The following GRID2 variants were observed in gnomAD, a reference collection of about 807,000 sequenced individuals.
The protein encoded by GRID2 is glutamate receptor ionotropic, delta-2.
Under a neutral mutation model 114.8 loss-of-function variants are expected in GRID2, and 33 were observed. The observed-to-expected ratio is 0.29, with a 90% CI of 0.22 to 0.38. The LOEUF (loss-of-function observed/expected upper bound fraction) is 0.38. GRID2 is among the 10% of genes least tolerant of loss of function. GRID2 has a pLI of 1.00. For missense variants in GRID2, 1,184 were observed against 1,257.7 expected, an observed-to-expected ratio of 0.94 and a Z score of 0.89; for synonymous variants, 505 against 449.9, an observed-to-expected ratio of 1.12 and a Z score of -1.55.
chr4:92,744,568 C>T (rs1737056348), intron 2 of GRID2, among the ~76,000 whole-genome samples: 1 of 151,700 alleles, frequency 6.6e-6, no homozygotes, highest in Non-Finnish European at 1.5e-5. Context: ...TACTCCAACT[C>T]TTTTCAACCT....
intron 13 of GRID2, among the ~76,000 whole-genome samples, chr4:93,538,885 A>T (rs11945011): frequency 0.027 from 4,044 of 151,880 alleles, 208 homozygotes; most frequent in African/African-American, 0.091. Flanking sequence ...AAAAAAAGAC[A>T]TTAACAGCAA....
In GRID2 at chr4:93,801,964, T is replaced by G. The variant is rs187278209; in HGVS notation, c.222-4751T>G. Among the ~76,000 whole-genome samples, 10 of 152,338 alleles carry G rather than the reference T, an allele frequency of 6.6e-5. No homozygotes were observed. The East Asian group carries it at 1.9e-3, about 29-fold the overall frequency. ...GCATATATCCCTTTAAAATCCTGTA[T>G]GTAGAATATACTGCATGTGTGCCCC... On this transcript the variant is annotated intron_variant, in intron 1 of 1. Transcript: ENST00000637838.
chr4:92,435,408 CT>C (rs1368084726), intron 1 of GRID2, among the ~76,000 whole-genome samples: 3 of 152,128 alleles, frequency 2.0e-5, no homozygotes, highest in Admixed American at 6.5e-5. Context: ...ATAGATGTGC[CT>C]TTTACAGTGG....
At chr4:93,764,912 A>T (rs1361692213) in intron 14 of GRID2, among the ~76,000 whole-genome samples, 1 of 152,030 alleles carries the variant, frequency 6.6e-6, no homozygotes, top group Admixed American at 6.6e-5. Flanking sequence ...TTTGCAACTC[A>T]ATTTTTGCAT....
At chr4:92,727,722 G>T (rs529365510) in intron 2 of GRID2, among the ~76,000 whole-genome samples, 2 of 152,168 alleles carry the variant, frequency 1.3e-5, no homozygotes, top group Admixed American at 1.3e-4. Context: ...ACTGGAGCAG[G>T]TAATTGATGG....
At chr4:92,667,216 A>T (rs1297148109) in intron 2 of GRID2, among the ~76,000 whole-genome samples, 1 of 151,644 alleles carries the variant, frequency 6.6e-6, no homozygotes, top group Non-Finnish European at 1.5e-5. Context: ...TTGTGTAATT[A>T]TTGTCTGAGT....
chr4:92,428,198 C>T (rs981633645), intron 1 of GRID2, among the ~76,000 whole-genome samples: 4 of 151,968 alleles, frequency 2.6e-5, no homozygotes, highest in African/African-American at 9.7e-5. Context: ...GGAGGCGGAG[C>T]TTGCAGTGAG....
chr4:92,854,495 T>A (rs992349840), intron 2 of GRID2, among the ~76,000 whole-genome samples: 1 of 151,382 alleles, frequency 6.6e-6, no homozygotes, highest in Non-Finnish European at 1.5e-5. Context: ...TAATTATACA[T>A]GTTTCGAACA....
intron 1 of GRID2, among the ~76,000 whole-genome samples, chr4:92,518,540 G>A (rs1295783845): frequency 6.6e-6 from 1 of 151,786 alleles, no homozygotes; most frequent in East Asian, 1.9e-4. Context: ...GGATGCCAGA[G>A]GATTGTGGGA....
intron 2 of GRID2, among the ~76,000 whole-genome samples, chr4:92,637,510 A>C (rs1227613570): frequency 6.6e-6 from 1 of 152,062 alleles, no homozygotes; most frequent in Non-Finnish European, 1.5e-5. Flanking sequence ...GGACCACATA[A>C]CTTGTATCTG....
chr4:92,826,176 C>G (rs1741684131), intron 2 of GRID2, among the ~76,000 whole-genome samples: 1 of 152,114 alleles, frequency 6.6e-6, no homozygotes, highest in Admixed American at 6.6e-5. Flanking sequence ...TCTCTGAACT[C>G]ATTCCTACTT....
At chr4:93,219,788 T>C (rs914716850) in intron 6 of GRID2, among the ~76,000 whole-genome samples, 2 of 152,176 alleles carry the variant, frequency 1.3e-5, no homozygotes, top group African/African-American at 4.8e-5. Flanking sequence ...TGGCTGCTAA[T>C]GGAGAGAAAA....
At chr4:93,418,498 T>C (rs1767941932) in intron 9 of GRID2, among the ~76,000 whole-genome samples, 1 of 152,074 alleles carries the variant, frequency 6.6e-6, no homozygotes, top group Admixed American at 6.6e-5. Flanking sequence ...GCATTGCCCT[T>C]CATTTCTTCA....
At chr4:92,359,904 AT>A (rs1728532616) in intron 1 of GRID2, among the ~76,000 whole-genome samples, 1 of 152,124 alleles carries the variant, frequency 6.6e-6, no homozygotes, top group Non-Finnish European at 1.5e-5. Context: ...CTGAAAAAAA[AT>A]CTTTATAGTT....
chr4:92,400,962 A>T (rs1267181327), intron 1 of GRID2, among the ~76,000 whole-genome samples: 1 of 152,194 alleles, frequency 6.6e-6, no homozygotes, highest in Non-Finnish European at 1.5e-5. Flanking sequence ...GTTAACATGT[A>T]AGAGTTATTT....
chr4:92,676,167 CCCCT>C (rs1247724218), intron 2 of GRID2, among the ~76,000 whole-genome samples: 14 of 99,316 alleles, frequency 1.4e-4, no homozygotes, highest in African/African-American at 4.0e-4. Flanking sequence ...CCCCCCCCCC[CCCCT>C]TTTTTTTTTG....
chr4:93,486,217 T>C (rs1726389941), intron 11 of GRID2, among the ~76,000 whole-genome samples: 1 of 151,148 alleles, frequency 6.6e-6, no homozygotes, highest in African/African-American at 2.4e-5. Context: ...CATAGCAAGC[T>C]GATAACTAAT....
intron 7 of GRID2, 54 bp downstream of exon 7, chr4:93,224,829 T>G (rs778353741): frequency 7.7e-7 from 1 of 1,303,386 alleles, no homozygotes; most frequent in East Asian, 2.4e-5. Flanking sequence ...ATTTGACATA[T>G]TTTAGAAAAA....
At chr4:93,384,269 C>T (rs758845670) in intron 8 of GRID2, among the ~76,000 whole-genome samples, 8 of 152,006 alleles carry the variant, frequency 5.3e-5, no homozygotes, top group African/African-American at 1.2e-4. Context: ...AATTTTGGAG[C>T]GCAACAATAT....
Sources: gnomAD v4.1 joint callset for allele counts (sites outside exome capture counted in the v4.1 genomes callset) on GRCh38, gnomAD v4.1.1 for gene constraint, MANE v1.5 for transcripts, NCBI Gene and HGNC (gene_info 2026-07-23, HGNC 2026-07-21) for gene names.